The following AMMECR1 variants were observed in gnomAD, a reference collection of about 807,000 sequenced individuals.
AMMECR1 encodes AMMECR nuclear protein 1, also known as nuclear protein AMMECR1.
Under a neutral mutation model 22.5 loss-of-function variants are expected in AMMECR1, and 3 were observed. That is an observed-to-expected ratio of 0.13 (90% confidence interval 0.06 to 0.35). The LOEUF (loss-of-function observed/expected upper bound fraction) is 0.35, where lower values mean the gene tolerates loss of function less well. Among genes scored for constraint, AMMECR1 ranks in the 10% least tolerant of loss-of-function variants. AMMECR1 has a pLI of 1.00. For missense variants in AMMECR1, 235 were observed against 278.7 expected, an observed-to-expected ratio of 0.84 and a Z score of 1.12; for synonymous variants, 130 against 116.7, an observed-to-expected ratio of 1.11 and a Z score of -0.74.
intron 2 of AMMECR1, among the ~76,000 whole-genome samples, chrX:110,244,986 A>C (rs1297762648): frequency 1.8e-5 from 2 of 112,125 alleles, no homozygotes; most frequent in African/African-American, 6.5e-5. Flanking sequence ...TTTACAGTAG[A>C]TTCAGCTGTA....
chrX:110,372,380 G>A (rs778797823), intron 2 of AMMECR1, among the ~76,000 whole-genome samples: 5 of 112,335 alleles, frequency 4.5e-5, no homozygotes, highest in East Asian at 2.8e-4. Flanking sequence ...CTTCACATCC[G>A]TGCTGGAAGT....
intron 1 of AMMECR1, among the ~76,000 whole-genome samples, chrX:110,300,521 T>G (rs1162884234): frequency 8.9e-6 from 1 of 112,169 alleles, no homozygotes; most frequent in East Asian, 2.8e-4. Flanking sequence ...CCACAATCAC[T>G]GAAGCAACAG....
At chrX:110,330,170 A>G (rs778131400) in intron 2 of AMMECR1, among the ~76,000 whole-genome samples, 2 of 111,833 alleles carry the variant, frequency 1.8e-5, no homozygotes, top group Admixed American at 1.9e-4. Flanking sequence ...CCGTTACTAC[A>G]CTTCAATCCT....
intron 2 of AMMECR1, among the ~76,000 whole-genome samples, chrX:110,413,034 A>C (rs2068651774): frequency 8.9e-6 from 1 of 111,860 alleles, no homozygotes; most frequent in South Asian, 3.7e-4. Context: ...CACATCCCCC[A>C]GTTCTTGGCC....
chrX:110,239,463 A>C (rs1023845844), intron 2 of AMMECR1, among the ~76,000 whole-genome samples: 1 of 111,343 alleles, frequency 9.0e-6, no homozygotes, highest in African/African-American at 3.3e-5. Context: ...TTAAAGAACA[A>C]CTTAATGAAG....
At position 110,317,994 on chromosome X, in the gene AMMECR1, G is replaced by A. The variant is rs1440333548; in HGVS notation, c.78C>T (p.Gly26=). ...CGCTGCAGTGGGAGGAGGAGGAGGC[G>A]CCACCACCGCCACCCGAGCCAGAGG... ...SPPSGSGGGG[G]ASSSSHCSGE... Residue 26 remains glycine, a synonymous_variant, in exon 1 of 6, where the codon GGC becomes GGT. Transcript: ENST00000262844. 34 of 1,202,987 alleles carry A rather than the reference G, an allele frequency of 2.8e-5. No homozygotes were observed. Among genetic ancestry groups the A allele is most frequent in the Non-Finnish European group, 3.7e-5 (33 of 891,839 alleles).
rs185485982 is a variant in AMMECR1, at chrX:110,373,102, A to G, written c.-148+53556T>C. Among the ~76,000 whole-genome samples, 805 of 112,168 alleles carry G rather than the reference A, an allele frequency of 7.2e-3. 5 individuals carry two copies. Among genetic ancestry groups the G allele is most frequent in the African/African-American group, 0.025 (777 of 30,875 alleles). On this transcript the variant is annotated intron_variant, in intron 2 of 7. Transcript: ENST00000372057. The stretch of plus-strand genomic sequence containing the variant: ...AAACCCTATGATATTAGGTACTATT[A>G]TAAACCCCATTTTATAAGTAGGGAG...
At chrX:110,300,247 A>T (rs1479581336) in intron 1 of AMMECR1, among the ~76,000 whole-genome samples, 1 of 111,948 alleles carries the variant, frequency 8.9e-6, no homozygotes, top group Non-Finnish European at 1.9e-5. Context: ...GTGATAGCTT[A>T]TTGTGGTTTT....
intron 2 of AMMECR1, among the ~76,000 whole-genome samples, chrX:110,221,482 A>T (rs1024522680): frequency 8.9e-5 from 10 of 112,022 alleles, no homozygotes; most frequent in Non-Finnish European, 1.7e-4. Flanking sequence ...AAAAGACACA[A>T]TTATGGTTAA....
intron 5 of AMMECR1, among the ~76,000 whole-genome samples, chrX:110,200,576 A>G (rs925039674): frequency 8.9e-6 from 1 of 112,278 alleles, no homozygotes; most frequent in Non-Finnish European, 1.9e-5. Flanking sequence ...TATCACTGCC[A>G]AAATTCTGAG....
At chrX:110,213,353 G>A (rs2067456777) in intron 3 of AMMECR1, among the ~76,000 whole-genome samples, 1 of 112,290 alleles carries the variant, frequency 8.9e-6, no homozygotes, top group Non-Finnish European at 1.9e-5. Flanking sequence ...CATAAATGGA[G>A]TCATACGGAA....
chrX:110,233,374 T>A (rs938170492), intron 2 of AMMECR1, among the ~76,000 whole-genome samples: 2 of 111,903 alleles, frequency 1.8e-5, no homozygotes, highest in African/African-American at 3.2e-5. Context: ...CAGGACCAGA[T>A]GAATTCACAG....
intron 2 of AMMECR1, among the ~76,000 whole-genome samples, chrX:110,242,431 G>A (rs768629319): frequency 4.5e-5 from 5 of 111,297 alleles, no homozygotes; most frequent in Non-Finnish European, 7.5e-5. Context: ...AGTAAGTTTC[G>A]TATGGGAAAA....
chrX:110,409,288 C>T (rs1046019375), intron 2 of AMMECR1, among the ~76,000 whole-genome samples: 27 of 110,867 alleles, frequency 2.4e-4, no homozygotes, highest in African/African-American at 8.6e-4. Flanking sequence ...AAAGCTAGAG[C>T]GTCCTAATGT....
At chrX:110,415,162 C>G (rs767895269) in intron 2 of AMMECR1, among the ~76,000 whole-genome samples, 2 of 111,895 alleles carry the variant, frequency 1.8e-5, no homozygotes, top group Admixed American at 9.5e-5. Flanking sequence ...TCCCCAGGGC[C>G]GTAGCACCAG....
intron 2 of AMMECR1, among the ~76,000 whole-genome samples, chrX:110,342,152 T>A (rs903042703): frequency 8.9e-6 from 1 of 111,991 alleles, no homozygotes; most frequent in African/African-American, 3.2e-5. Flanking sequence ...ATAATTGTTC[T>A]ATTGTTATTA....
chrX:110,396,638 G>A (rs767832815), intron 2 of AMMECR1, among the ~76,000 whole-genome samples: 1 of 111,911 alleles, frequency 8.9e-6, no homozygotes. Context: ...TAAGCAGGGG[G>A]CCAGATTCCC....
In AMMECR1 at chrX:110,222,606, T is replaced by C. The variant is rs758157460; in HGVS notation, c.585-5974A>G. ...AAACTTAAATTAAAAAAAAAAACCA[T>C]ATTATCCAATTCTGGAAAAAAAAAA... On this transcript the variant is annotated intron_variant, in intron 2 of 5. Coordinates refer to ENST00000262844, the MANE Select transcript of AMMECR1 (RefSeq NM_015365.3). 7.4e-5 allele frequency among the ~76,000 whole-genome samples: 6 copies of C among 81,170 alleles called. No individual in the cohort carries two copies. The East Asian group carries it at 1.1e-3, about 15-fold the overall frequency. The allele number at this position is 81,170 out of a possible 115,157, so 70.5% of individuals were successfully genotyped here. A position where few individuals can be genotyped will look rare whatever the true frequency, so the allele number is the denominator to read the frequency against.
intron 2 of AMMECR1, among the ~76,000 whole-genome samples, chrX:110,241,745 G>T (rs1229187543): frequency 9.2e-6 from 1 of 109,141 alleles, no homozygotes; most frequent in African/African-American, 3.4e-5. Flanking sequence ...TAAAATAGGG[G>T]GAAGGGAAAA....
Sources: gnomAD v4.1 joint callset for allele counts (sites outside exome capture counted in the v4.1 genomes callset) on GRCh38, gnomAD v4.1.1 for gene constraint, MANE v1.5 for transcripts, NCBI Gene and HGNC (gene_info 2026-07-23, HGNC 2026-07-21) for gene names.